Variants in ARL15 observed in about 807,000 individuals in gnomAD.
ARL15 encodes ARF like GTPase 15, also known as ADP-ribosylation factor-like protein 15.
Under a neutral mutation model 25.2 loss-of-function variants are expected in ARL15, and 19 were observed. That is an observed-to-expected ratio of 0.75 (90% CI 0.53 to 1.10). The LOEUF is 1.10. Among genes scored for constraint, ARL15 ranks in the 50% least tolerant of loss-of-function variants. The pLI is 0.00. For missense variants in ARL15, 220 were observed against 246.0 expected, an observed-to-expected ratio of 0.89 and a Z score of 0.71; for synonymous variants, 94 against 86.8, an observed-to-expected ratio of 1.08 and a Z score of -0.46.
At chr5:54,035,707 A>G (rs1750146002) in intron 4 of ARL15, among the ~76,000 whole-genome samples, 1 of 152,182 alleles carries the variant, frequency 6.6e-6, no homozygotes, top group South Asian at 2.1e-4. Flanking sequence ...GCTATTTCCA[A>G]TGCAGTGTCT....
intron 4 of ARL15, among the ~76,000 whole-genome samples, chr5:54,070,489 G>T (rs1248434317): frequency 6.6e-6 from 1 of 152,104 alleles, no homozygotes; most frequent in African/African-American, 2.4e-5. Flanking sequence ...ACCAGCAAAA[G>T]GCCCTCACCA....
At chr5:54,032,570 G>T (rs113616552) in intron 4 of ARL15, among the ~76,000 whole-genome samples, 195 of 150,254 alleles carry the variant, frequency 1.3e-3, no homozygotes, top group African/African-American at 4.7e-3. Flanking sequence ...CATCTATGTT[G>T]AGAACATATT....
intron 4 of ARL15, among the ~76,000 whole-genome samples, chr5:54,012,175 T>A (rs1226166473): frequency 6.6e-6 from 1 of 152,236 alleles, no homozygotes; most frequent in Non-Finnish European, 1.5e-5. Context: ...TATAAAATCC[T>A]TTTATAGCCT....
intron 1 of ARL15, among the ~76,000 whole-genome samples, chr5:54,174,004 A>G (rs967640044): frequency 6.6e-6 from 1 of 152,048 alleles, no homozygotes; most frequent in Non-Finnish European, 1.5e-5. Flanking sequence ...GTCTGCTCCA[A>G]TCCTAAGATT....
Position 53,988,860 on chromosome 5 carries a change from G to A in ARL15, c.463-102147C>T, listed in dbSNP as rs919900757. ...AGTGTATCAACTTTGGGGAGGAGTG[G>A]TGAATTTCTGAAAAGCTGCAATCAG... On this transcript the variant is annotated intron_variant, in intron 4 of 4. Coordinates refer to ENST00000504924, the MANE Select transcript of ARL15 (RefSeq NM_019087.3). Among the ~76,000 whole-genome samples, 5 of 152,116 alleles carry A rather than the reference G, an allele frequency of 3.3e-5. No individual in the cohort carries two copies. In the South Asian group the frequency reaches 6.2e-4, roughly 19 times the overall value.
chr5:54,131,703 T>C (rs181698726), intron 3 of ARL15, among the ~76,000 whole-genome samples: 19 of 152,338 alleles, frequency 1.2e-4, no homozygotes, highest in Non-Finnish European at 2.9e-5. Context: ...ATGTGCCAAG[T>C]ACTATACTAG....
chr5:54,177,130 G>A (rs142982782), intron 1 of ARL15, among the ~76,000 whole-genome samples: 20 of 152,216 alleles, frequency 1.3e-4, no homozygotes, highest in African/African-American at 4.3e-4. Flanking sequence ...CTTTTCACAC[G>A]GGACAAGTTA....
intron 4 of ARL15, among the ~76,000 whole-genome samples, chr5:54,093,382 C>T (rs533775936): frequency 1.3e-5 from 2 of 152,202 alleles, no homozygotes; most frequent in South Asian, 2.1e-4. Flanking sequence ...TGACATGAAC[C>T]GAGAAAACTT....
chr5:54,139,821 G>C (rs1356471530), intron 3 of ARL15, among the ~76,000 whole-genome samples: 2 of 152,000 alleles, frequency 1.3e-5, no homozygotes, highest in Non-Finnish European at 2.9e-5. Context: ...AACAGAATGA[G>C]ACCCTGTCTC....
At chr5:54,008,476 A>G (rs1214983217) in intron 4 of ARL15, among the ~76,000 whole-genome samples, 1 of 152,210 alleles carries the variant, frequency 6.6e-6, no homozygotes, top group Non-Finnish European at 1.5e-5. Flanking sequence ...GTTCTCTCAG[A>G]CTTTTGACCT....
intron 4 of ARL15, among the ~76,000 whole-genome samples, chr5:53,960,303 C>T (rs1435289884): frequency 6.6e-6 from 1 of 152,134 alleles, no homozygotes; most frequent in African/African-American, 2.4e-5. Context: ...AAAACAAGAA[C>T]ACTAAAACAC....
chr5:54,073,464 G>T (rs1751484858), intron 4 of ARL15, among the ~76,000 whole-genome samples: 1 of 152,184 alleles, frequency 6.6e-6, no homozygotes, highest in Non-Finnish European at 1.5e-5. Context: ...TGTGTTGTGG[G>T]ATGTACTGAC....
intron 1 of ARL15, among the ~76,000 whole-genome samples, chr5:54,293,503 C>T (rs1561298369): frequency 1.3e-5 from 2 of 152,118 alleles, no homozygotes; most frequent in Non-Finnish European, 2.9e-5. Flanking sequence ...TCCCCTATAC[C>T]ACAATGTTTT....
intron 1 of ARL15, among the ~76,000 whole-genome samples, chr5:54,194,493 T>C (rs890957386): frequency 6.6e-6 from 1 of 151,804 alleles, no homozygotes; most frequent in African/African-American, 2.4e-5. Context: ...CTAGAGAAAG[T>C]TATGAAACTC....
chr5:54,056,032 A>G (rs1750859240), intron 4 of ARL15, among the ~76,000 whole-genome samples: 1 of 152,106 alleles, frequency 6.6e-6, no homozygotes, highest in African/African-American at 2.4e-5. Flanking sequence ...ACATTTGTCA[A>G]TTTTACATTT....
intron 4 of ARL15, among the ~76,000 whole-genome samples, chr5:53,974,268 G>T (rs1747852686): frequency 6.6e-6 from 1 of 152,222 alleles, no homozygotes; most frequent in Non-Finnish European, 1.5e-5. Context: ...GCAGCTAAGT[G>T]GTTGTAAGTG....
chr5:54,180,938 C>A (rs1246801910), intron 1 of ARL15, among the ~76,000 whole-genome samples: 2 of 152,164 alleles, frequency 1.3e-5, no homozygotes, highest in Admixed American at 1.3e-4. Flanking sequence ...GAGAGTGCTG[C>A]TGCGCTGAAC....
chr5:54,239,726 A>G (rs1244932911), intron 1 of ARL15, among the ~76,000 whole-genome samples: 2 of 152,140 alleles, frequency 1.3e-5, no homozygotes, highest in Non-Finnish European at 2.9e-5. Flanking sequence ...CGTGGGAGTG[A>G]TGGCTTTAGC....
chr5:54,091,887 G>A (rs1260628051), intron 4 of ARL15, among the ~76,000 whole-genome samples: 1 of 152,182 alleles, frequency 6.6e-6, no homozygotes, highest in Non-Finnish European at 1.5e-5. Context: ...AGGGCGGAGA[G>A]TGGCAGGGAA....
Sources: gnomAD v4.1 joint callset for allele counts (sites outside exome capture counted in the v4.1 genomes callset) on GRCh38, gnomAD v4.1.1 for gene constraint, MANE v1.5 for transcripts, NCBI Gene and HGNC (gene_info 2026-07-23, HGNC 2026-07-21) for gene names.